PXDNL: variants seen among roughly 807,000 people sequenced by gnomAD.
PXDNL encodes probable oxidoreductase PXDNL.
PXDNL carries 145 observed loss-of-function variants against 150.8 expected under a neutral mutation model. That is an observed-to-expected ratio of 0.96 (90% CI 0.84 to 1.10). The LOEUF (loss-of-function observed/expected upper bound fraction) is 1.10. Among genes scored for constraint, PXDNL ranks in the 50% least tolerant of loss-of-function variants. PXDNL has a pLI of 0.00. For synonymous variants in PXDNL, 757 were observed against 725.7 expected, an observed-to-expected ratio of 1.04 and a Z score of -0.69; for missense variants, 2,087 against 1,873.9, an observed-to-expected ratio of 1.11 and a Z score of -2.10.
intron 10 of PXDNL, among the ~76,000 whole-genome samples, chr8:51,451,701 T>C (rs908846044): frequency 6.6e-6 from 1 of 152,194 alleles, no homozygotes; most frequent in Non-Finnish European, 1.5e-5. Context: ...AAAGGAAGTT[T>C]ATCTGTGGAT....
intron 5 of PXDNL, among the ~76,000 whole-genome samples, chr8:51,498,986 C>A (rs1811119686): frequency 6.6e-6 from 1 of 152,098 alleles, no homozygotes; most frequent in African/African-American, 2.4e-5. Flanking sequence ...GTGGAGCTAC[C>A]AGAAACAATG....
intron 4 of PXDNL, among the ~76,000 whole-genome samples, chr8:51,536,375 T>G (rs892447968): frequency 2.2e-5 from 3 of 138,360 alleles, no homozygotes; most frequent in African/African-American, 8.2e-5. Context: ...GTGTAATGTA[T>G]GCTTAATTAT....
chr8:51,585,735 A>G (rs1813309287), intron 3 of PXDNL, among the ~76,000 whole-genome samples: 1 of 152,048 alleles, frequency 6.6e-6, no homozygotes. Context: ...ATTTCTCATC[A>G]TGCTCCATTC....
At position 51,378,118 on chromosome 8, in the gene PXDNL, G is replaced by C. The variant is rs57622227; in HGVS notation, c.3558-3387C>G. Among the ~76,000 whole-genome samples the C allele has an allele frequency of 3.8e-3, 559 of 147,614 alleles. 2 individuals carry two copies. The highest frequency in any genetic ancestry group is 0.013 in the African/African-American group (504 of 39,654). On this transcript the variant is annotated intron_variant, in intron 17 of 22. Coordinates refer to ENST00000356297, the MANE Select transcript of PXDNL (RefSeq NM_144651.5). Reference sequence around the variant, plus strand: ...CTGTATCTAGCTAATCTGGTGGGGCGTTGGAGAACCTTTATGTCTAGCTAA... The same window carrying C: ...CTGTATCTAGCTAATCTGGTGGGGCCTTGGAGAACCTTTATGTCTAGCTAA...
chr8:51,378,471 C>T (rs1267849594), intron 17 of PXDNL, among the ~76,000 whole-genome samples: 1 of 152,204 alleles, frequency 6.6e-6, no homozygotes, highest in Non-Finnish European at 1.5e-5. Flanking sequence ...CCAATCAGCT[C>T]TCTGTAAAAT....
At chr8:51,362,165 C>G (rs879339373) in intron 19 of PXDNL, among the ~76,000 whole-genome samples, 1 of 152,024 alleles carries the variant, frequency 6.6e-6, no homozygotes, top group African/African-American at 2.4e-5. Context: ...TATTATTCTG[C>G]CCCAAAGGCA....
chr8:51,668,191 T>TTTTTTTTTTTTTTTTG (rs1815428771), intron 1 of PXDNL, among the ~76,000 whole-genome samples: 1 of 142,360 alleles, frequency 7.0e-6, no homozygotes, highest in Non-Finnish European at 1.5e-5. Flanking sequence ...TTTTTTTTTT[T>TTTTTTTTTTTTTTTTG]TTGAGACAGA....
intron 8 of PXDNL, among the ~76,000 whole-genome samples, chr8:51,459,345 T>C (rs974276221): frequency 1.3e-5 from 2 of 152,224 alleles, no homozygotes. Flanking sequence ...ATAAGACTAC[T>C]TGCAAAGGAA....
In PXDNL at chr8:51,371,918, C is replaced by A; in HGVS notation, c.3856G>T (p.Glu1286Ter). Residue 1286 changes from glutamate (E) to a stop codon, truncating the protein, a stop_gained, in exon 19 of 23, where the codon GAG (glutamate) becomes TAG (stop). Transcript: ENST00000356297. LOFTEE classifies it high-confidence loss of function. ...ACTCGCAGGTCCACCTTCGGGATCTCGCTGCAGTTCAGGTAATCCTGTGGG... is the reference window on the plus strand; with the variant it reads ...ACTCGCAGGTCCACCTTCGGGATCTAGCTGCAGTTCAGGTAATCCTGTGGG... The part of the protein sequence containing the change: ...EYPQDYLNCS[E>*]IPKVDLRVWQ... 8 of 1,613,988 alleles carry A rather than the reference C, an allele frequency of 5.0e-6. No homozygotes were observed. The highest frequency in any genetic ancestry group is 6.8e-6 in the Non-Finnish European group (8 of 1,179,876).
intron 17 of PXDNL, among the ~76,000 whole-genome samples, chr8:51,378,331 C>T (rs1008311463): frequency 2.2e-4 from 34 of 152,308 alleles, no homozygotes; most frequent in Admixed American, 5.2e-4. Flanking sequence ...AATCAGCACC[C>T]TGTGTCTAGC....
chr8:51,758,169 T>TA (rs1372030939), intron 1 of PXDNL, among the ~76,000 whole-genome samples: 1 of 152,222 alleles, frequency 6.6e-6, no homozygotes, highest in Non-Finnish European at 1.5e-5. Flanking sequence ...AAAGTAAAGC[T>TA]ATTTGTAATT....
intron 19 of PXDNL, among the ~76,000 whole-genome samples, chr8:51,368,986 A>G (rs1250754320): frequency 6.6e-6 from 1 of 151,982 alleles, no homozygotes; most frequent in Admixed American, 6.6e-5. Flanking sequence ...ACAGAGCACA[A>G]CTCTGTTTCA....
intron 1 of PXDNL, among the ~76,000 whole-genome samples, chr8:51,713,367 T>C (rs1201035793): frequency 6.6e-6 from 1 of 152,262 alleles, no homozygotes; most frequent in East Asian, 1.9e-4. Context: ...AGTCTTATCA[T>C]AAGCAGCAGC....
rs1491545350 is a variant in PXDNL at position 51,644,405 on chromosome 8, CAT to C, written c.236+10282_236+10283del. ...ACACACATATGTGTATATATATACA[CAT>C]GTGTGTGTATATATATACACATATG... On this transcript the variant is annotated intron_variant, in intron 2 of 22. Coordinates refer to ENST00000356297, the MANE Select transcript of PXDNL (RefSeq NM_144651.5). 9.7e-5 allele frequency among the ~76,000 whole-genome samples: 8 copies of C among 82,714 alleles called. 1 individual carries two copies. Among genetic ancestry groups the C allele is most frequent in the Middle Eastern group, 6.8e-3 (1 of 148 alleles). The allele number at this position is 82,714 out of a possible 152,430, so 54.3% of individuals were successfully genotyped here.
In PXDNL at chr8:51,493,581, C is replaced by T. The variant is rs1810955655; in HGVS notation, c.452+6118G>A. Among the ~76,000 whole-genome samples the T allele has an allele frequency of 4.6e-5, 7 of 152,068 alleles. No individual in the cohort carries two copies. In the South Asian group the frequency reaches 1.5e-3, roughly 32 times the overall value. ...CTAGAATAACCAATGCAGAGAAGTC[C>T]TTAAAGGACCTGATGGAGCTGAAAA... On this transcript the variant is annotated intron_variant, in intron 5 of 22. Coordinates refer to ENST00000356297, the MANE Select transcript of PXDNL (RefSeq NM_144651.5).
chr8:51,358,244 A>G (rs1806582313), intron 19 of PXDNL, among the ~76,000 whole-genome samples: 5 of 152,232 alleles, frequency 3.3e-5, no homozygotes, highest in Admixed American at 2.6e-4. Context: ...ATGGGATTTC[A>G]TCTTCTCTCT....
At chr8:51,759,486 C>A (rs1000681088) in intron 1 of PXDNL, among the ~76,000 whole-genome samples, 1 of 152,070 alleles carries the variant, frequency 6.6e-6, no homozygotes, top group Non-Finnish European at 1.5e-5. Flanking sequence ...GTGTGAGAGC[C>A]ACAGGGAGGG....
At chr8:51,511,912 G>A (rs1423270845) in intron 4 of PXDNL, among the ~76,000 whole-genome samples, 2 of 152,172 alleles carry the variant, frequency 1.3e-5, no homozygotes, top group Admixed American at 6.5e-5. Flanking sequence ...TGTCAGCCCT[G>A]AACCTGAATG....
rs35438281 is a variant in PXDNL, at chr8:51,491,958, C to T, written c.452+7741G>A. Among the ~76,000 whole-genome samples, 797 of 152,332 alleles carry T rather than the reference C, an allele frequency of 5.2e-3. 2 individuals are homozygous for T. The highest frequency in any genetic ancestry group is 8.8e-3 in the Non-Finnish European group (601 of 68,040). On this transcript the variant is annotated intron_variant, in intron 5 of 22. Transcript: ENST00000356297. Reference sequence around the variant, plus strand: ...AGAGCAGAAAAGGAGTAGTATAACACACTTTCCTACCTCATTTCATATTCA... The same window carrying T: ...AGAGCAGAAAAGGAGTAGTATAACATACTTTCCTACCTCATTTCATATTCA...
Sources: gnomAD v4.1 joint callset for allele counts (sites outside exome capture counted in the v4.1 genomes callset) on GRCh38, gnomAD v4.1.1 for gene constraint, MANE v1.5 for transcripts, NCBI Gene and HGNC (gene_info 2026-07-23, HGNC 2026-07-21) for gene names.